The following MDGA2 variants were observed in gnomAD, a reference collection of about 807,000 sequenced individuals.
MDGA2 encodes the protein MAM domain containing glycosylphosphatidylinositol anchor 2, also known as MAM domain-containing glycosylphosphatidylinositol anchor protein 2.
A neutral mutation model predicts 117.8 loss-of-function variants in MDGA2; 40 were observed. The observed-to-expected ratio is 0.34, with a 90% CI of 0.26 to 0.44. MDGA2 has a LOEUF of 0.44. Ranked by LOEUF, MDGA2 falls within the 20% of genes least tolerant of loss-of-function variation. The pLI, the probability that MDGA2 is intolerant of heterozygous loss-of-function variation, is 1.00. For missense variants in MDGA2, 1,123 were observed against 1,250.6 expected (o/e 0.90, Z 1.54); for synonymous variants, 452 against 439.0 (o/e 1.03, Z -0.37).
intron 3 of MDGA2, among the ~76,000 whole-genome samples, chr14:47,171,696 C>A (rs1453696772): frequency 6.6e-6 from 1 of 152,202 alleles, no homozygotes; most frequent in Non-Finnish European, 1.5e-5. Context: ...CAGCTCCGGT[C>A]TACAGCTCCC....
At chr14:47,297,342 G>T (rs991050168) in intron 2 of MDGA2, among the ~76,000 whole-genome samples, 1 of 150,122 alleles carries the variant, frequency 6.7e-6, no homozygotes, top group Non-Finnish European at 1.5e-5. Context: ...TTTACAAGAA[G>T]ACTATATTTA....
chr14:47,303,998 C>T (rs529430765), intron 1 of MDGA2, among the ~76,000 whole-genome samples: 3 of 152,120 alleles, frequency 2.0e-5, no homozygotes, highest in South Asian at 2.1e-4. Context: ...TATTATAACA[C>T]ATTCTTGGAA....
chr14:47,371,793 G>A (rs1362477845), intron 1 of MDGA2, among the ~76,000 whole-genome samples: 1 of 151,684 alleles, frequency 6.6e-6, no homozygotes, highest in East Asian at 1.9e-4. Flanking sequence ...TATAAATTGA[G>A]ATGATTTATG....
At chr14:47,069,663 G>A (rs1202633171) in intron 6 of MDGA2, among the ~76,000 whole-genome samples, 1 of 152,140 alleles carries the variant, frequency 6.6e-6, no homozygotes, top group African/African-American at 2.4e-5. Context: ...GTTTTCCCTT[G>A]ATGTTCTCTT....
intron 3 of MDGA2, among the ~76,000 whole-genome samples, chr14:47,192,848 G>A (rs1207853213): frequency 1.3e-5 from 2 of 152,104 alleles, no homozygotes; most frequent in African/African-American, 4.8e-5. Flanking sequence ...TTTAGCAAGG[G>A]TGTCTTCTAA....
At chr14:46,869,351 C>CTTTTT (rs35619816) in intron 14 of MDGA2, among the ~76,000 whole-genome samples, 2 of 119,130 alleles carry the variant, frequency 1.7e-5, no homozygotes, top group African/African-American at 6.1e-5. Context: ...CTATGAGATT[C>CTTTTT]TTTTTTTTTT....
At chr14:47,608,023 T>C (rs1444121444) in intron 1 of MDGA2, among the ~76,000 whole-genome samples, 5 of 152,160 alleles carry the variant, frequency 3.3e-5, no homozygotes, top group African/African-American at 1.2e-4. Context: ...AAAAGACTTG[T>C]CATTATTTAA....
chr14:47,535,327 G>A (rs551534253), intron 1 of MDGA2, among the ~76,000 whole-genome samples: 10 of 152,212 alleles, frequency 6.6e-5, no homozygotes, highest in Non-Finnish European at 1.3e-4. Context: ...TGGGCATGCA[G>A]ATGTAAGTTA....
intron 3 of MDGA2, among the ~76,000 whole-genome samples, chr14:47,172,589 C>T (rs1203276489): frequency 1.3e-5 from 2 of 152,198 alleles, no homozygotes; most frequent in Admixed American, 6.5e-5. Context: ...GCTGAGGGTC[C>T]TGTCTGTTAG....
intron 3 of MDGA2, among the ~76,000 whole-genome samples, chr14:47,163,736 G>A (rs1013023192): frequency 2.0e-5 from 3 of 152,162 alleles, no homozygotes; most frequent in Non-Finnish European, 4.4e-5. Flanking sequence ...AGCCAACCTT[G>A]CACTCAGACA....
At chr14:47,448,408 G>A (rs904368818) in intron 1 of MDGA2, among the ~76,000 whole-genome samples, 1 of 152,014 alleles carries the variant, frequency 6.6e-6, no homozygotes, top group African/African-American at 2.4e-5. Context: ...CCAAAGTGCT[G>A]GGATTACAGG....
chr14:47,580,697 G>T (rs977912535), intron 1 of MDGA2, among the ~76,000 whole-genome samples: 1 of 151,920 alleles, frequency 6.6e-6, no homozygotes, highest in Non-Finnish European at 1.5e-5. Context: ...TCTCTTGGAA[G>T]TCATTTTTTT....
chr14:47,490,752 T>C (rs1004833360), intron 1 of MDGA2, among the ~76,000 whole-genome samples: 7 of 152,126 alleles, frequency 4.6e-5, no homozygotes, highest in African/African-American at 1.7e-4. Context: ...AAAAATATTA[T>C]ATCAGCTGTA....
At chr14:47,295,722 G>A (rs1889042156) in intron 2 of MDGA2, among the ~76,000 whole-genome samples, 2 of 151,976 alleles carry the variant, frequency 1.3e-5, no homozygotes, top group Admixed American at 1.3e-4. Context: ...TGGCCTACAT[G>A]GGGAAACTGG....
chr14:47,455,916 G>A (rs910103406), intron 1 of MDGA2, among the ~76,000 whole-genome samples: 1 of 152,000 alleles, frequency 6.6e-6, no homozygotes, highest in African/African-American at 2.4e-5. Context: ...AGAATCGCTT[G>A]AACCTGGGAA....
intron 1 of MDGA2, among the ~76,000 whole-genome samples, chr14:47,375,465 T>G (rs1016919593): frequency 6.6e-6 from 1 of 152,108 alleles, no homozygotes; most frequent in African/African-American, 2.4e-5. Context: ...CTTTCTTCTA[T>G]TCCAAACTGA....
chr14:47,626,193 A>T (rs1372992255), intron 1 of MDGA2: 1 of 152,214 alleles, frequency 6.6e-6, no homozygotes, highest in Non-Finnish European at 1.5e-5. Flanking sequence ...TACATGGCAG[A>T]TAGGTTTTTG....
At chr14:47,140,116 A>T (rs1882655090) in intron 4 of MDGA2, among the ~76,000 whole-genome samples, 1 of 151,864 alleles carries the variant, frequency 6.6e-6, no homozygotes, top group African/African-American at 2.4e-5. Flanking sequence ...CCTAGAAATA[A>T]ATTTAACCAA....
intron 8 of MDGA2, among the ~76,000 whole-genome samples, chr14:47,009,380 T>A (rs565516720): frequency 1.3e-5 from 2 of 152,218 alleles, no homozygotes; most frequent in South Asian, 4.1e-4. Context: ...CTGATTTCAA[T>A]TTGACAACTC....
Sources: gnomAD v4.1 joint callset for allele counts (sites outside exome capture counted in the v4.1 genomes callset) on GRCh38, gnomAD v4.1.1 for gene constraint, MANE v1.5 for transcripts, NCBI Gene and HGNC (gene_info 2026-07-23, HGNC 2026-07-21) for gene names.